Variants in GDPD1 observed in about 807,000 individuals in gnomAD.
GDPD1 encodes lysophospholipase D GDPD1.
Under a neutral mutation model 45.1 loss-of-function variants are expected in GDPD1, and 28 were observed. The ratio of observed to expected loss-of-function variants is 0.62; its 90% CI spans 0.46 to 0.85. GDPD1 has a LOEUF of 0.85. GDPD1 is among the 40% of genes least tolerant of loss of function. The pLI is 0.00. For missense variants in GDPD1, 256 were observed against 364.8 expected (o/e 0.70, Z 2.43); for synonymous variants, 139 against 131.4 (o/e 1.06, Z -0.40).
intron 6 of GDPD1, among the ~76,000 whole-genome samples, chr17:59,263,603 C>T (rs183945132): frequency 1.3e-5 from 2 of 150,288 alleles, no homozygotes; most frequent in South Asian, 2.1e-4. Flanking sequence ...CTCAGCCTCC[C>T]GAGTAGCTGG....
chr17:59,225,513 A>C (rs2047040779), intron 1 of GDPD1, among the ~76,000 whole-genome samples: 1 of 151,870 alleles, frequency 6.6e-6, no homozygotes, highest in Non-Finnish European at 1.5e-5. Flanking sequence ...TTCCACTGTG[A>C]GGTTACTTTT....
At chr17:59,229,319 A>C (rs2047071418) in intron 1 of GDPD1, among the ~76,000 whole-genome samples, 3 of 115,306 alleles carry the variant, frequency 2.6e-5, no homozygotes, top group South Asian at 2.9e-4. Context: ...TGCCTGGCTA[A>C]ATTTTTTTTT....
intron 2 of GDPD1, among the ~76,000 whole-genome samples, chr17:59,238,667 C>G (rs2047153515): frequency 6.6e-6 from 1 of 152,164 alleles, no homozygotes; most frequent in African/African-American, 2.4e-5. Flanking sequence ...CCTGCCTTAG[C>G]CTCCCAAAGT....
At chr17:59,252,243 T>A (rs548904626) in intron 4 of GDPD1, among the ~76,000 whole-genome samples, 2 of 151,680 alleles carry the variant, frequency 1.3e-5, no homozygotes, top group Non-Finnish European at 2.9e-5. Flanking sequence ...ATACAAAAAT[T>A]TTTAAATTTT....
intron 8 of GDPD1, among the ~76,000 whole-genome samples, chr17:59,272,027 C>A (rs2047448272): frequency 6.6e-6 from 1 of 151,974 alleles, no homozygotes. Flanking sequence ...GATTTAAGCT[C>A]TAGTTTTCAA....
Position 59,267,140 on chromosome 17 carries a change from T to G in GDPD1, c.676T>G (p.Phe226Val). ...LLPFVPIREQ[F>V]FEIPMPSIIL... ...GCCCTTTGTGCCCATTCGAGAACAG[T>G]TTTTTGAAATCCCAATGCCTTCTAT... is the stretch of plus-strand genomic sequence containing the variant. The change falls in exon 7 of 10, where the codon TTT becomes GTT. Residue 226 changes from phenylalanine (F) to valine (V), a missense_variant. Coordinates refer to ENST00000284116, the MANE Select transcript of GDPD1 (RefSeq NM_182569.4). 6 of 1,613,894 alleles carry G rather than the reference T, an allele frequency of 3.7e-6. No homozygotes were observed. Among genetic ancestry groups the G allele is most frequent in the Non-Finnish European group, 5.1e-6 (6 of 1,179,872 alleles).
chr17:59,257,424 G>C (rs763210126), intron 5 of GDPD1, among the ~76,000 whole-genome samples, 184 bp downstream of exon 5: 2 of 152,174 alleles, frequency 1.3e-5, no homozygotes, highest in Non-Finnish European at 2.9e-5. Context: ...CCTATTTTCA[G>C]AGAGAGTTGG....
intron 6 of GDPD1, among the ~76,000 whole-genome samples, chr17:59,259,296 G>C (rs573636483): frequency 6.7e-6 from 1 of 149,342 alleles, no homozygotes; most frequent in Admixed American, 6.7e-5. Flanking sequence ...GGCCGGGCGC[G>C]GTGGCTCACG....
At chr17:59,222,204 G>T (rs977942713) in intron 1 of GDPD1, among the ~76,000 whole-genome samples, 3 of 151,730 alleles carry the variant, frequency 2.0e-5, no homozygotes, top group Admixed American at 6.6e-5. Flanking sequence ...TTGTTTGTTT[G>T]TTTTTTTGTT....
In GDPD1 at chr17:59,244,913, T is replaced by C. The variant is rs533467975; in HGVS notation, c.186-501T>C. Among the ~76,000 whole-genome samples the C allele has an allele frequency of 9.1e-4, 139 of 152,030 alleles. 1 individual carries two copies. Among genetic ancestry groups the C allele is most frequent in the African/African-American group, 3.3e-3 (138 of 41,456 alleles). On this transcript the variant is annotated intron_variant, in intron 2 of 9. Coordinates refer to ENST00000284116, the MANE Select transcript of GDPD1 (RefSeq NM_182569.4). ...CAGTAGGCTGAGGCAGGAGGATCAC[T>C]TGAGCCCAGGAGTTTGAGGATGCAA...
intron 6 of GDPD1, among the ~76,000 whole-genome samples, chr17:59,259,196 G>A (rs574052687): frequency 1.7e-4 from 25 of 151,228 alleles, no homozygotes; most frequent in South Asian, 8.4e-4. Context: ...TTGGGAGGCC[G>A]AGGCAGGCGG....
intron 3 of GDPD1, among the ~76,000 whole-genome samples, chr17:59,247,466 G>A (rs928489835): frequency 2.0e-5 from 3 of 152,008 alleles, no homozygotes; most frequent in Admixed American, 1.3e-4. Flanking sequence ...CATATAGTTG[G>A]AATCATACTG....
chr17:59,235,416 A>G (rs2047124128), intron 2 of GDPD1, among the ~76,000 whole-genome samples: 1 of 152,098 alleles, frequency 6.6e-6, no homozygotes, highest in Non-Finnish European at 1.5e-5. Flanking sequence ...TTCATATTCT[A>G]GTTTCACCTA....
At chr17:59,253,646 G>A (rs2047273158) in intron 4 of GDPD1, among the ~76,000 whole-genome samples, 1 of 151,964 alleles carries the variant, frequency 6.6e-6, no homozygotes, top group Admixed American at 6.6e-5. Flanking sequence ...TGACCTTTTT[G>A]TAAACTGATT....
At chr17:59,265,137 A>G (rs2047389349) in intron 6 of GDPD1, among the ~76,000 whole-genome samples, 1 of 152,084 alleles carries the variant, frequency 6.6e-6, no homozygotes, top group Non-Finnish European at 1.5e-5. Flanking sequence ...AACCGCGCCC[A>G]GCCTAGAACT....
In GDPD1 at chr17:59,245,483, G is replaced by A; in HGVS notation, c.255G>A (p.Val85=). The stretch of plus-strand genomic sequence containing the variant: ...TCACAAAAGATGAACAAGTTGTAGT[G>A]TCACATGATGAGAATCTAAAGAGAG... ...CHITKDEQVV[V]SHDENLKRAT... is the part of the protein sequence containing the mutation. The change falls in exon 3 of 10, where the codon GTG becomes GTA. Residue 85 remains valine (V), a synonymous_variant. Transcript: ENST00000284116. The A allele has an allele frequency of 6.2e-7, 1 of 1,609,204 alleles. No homozygotes were observed.
At chr17:59,223,218 A>G (rs1282645741) in intron 1 of GDPD1, among the ~76,000 whole-genome samples, 2 of 152,196 alleles carry the variant, frequency 1.3e-5, no homozygotes, top group Non-Finnish European at 2.9e-5. Flanking sequence ...ATTTCCATTC[A>G]TTATTTGTAA....
At chr17:59,236,376 C>T (rs1043665874) in intron 2 of GDPD1, among the ~76,000 whole-genome samples, 9 of 152,216 alleles carry the variant, frequency 5.9e-5, no homozygotes, top group African/African-American at 1.9e-4. Context: ...CTGAAAAGTA[C>T]CACAGCCTTC....
At chr17:59,221,419 CTTTTTTT>C (rs36143328) in intron 1 of GDPD1, among the ~76,000 whole-genome samples, 2 of 126,874 alleles carry the variant, frequency 1.6e-5, no homozygotes, top group Middle Eastern at 4.1e-3. Flanking sequence ...AACCTTGCAT[CTTTTTTT>C]TTTTTTTTTT....
Sources: gnomAD v4.1 joint callset for allele counts (sites outside exome capture counted in the v4.1 genomes callset) on GRCh38, gnomAD v4.1.1 for gene constraint, MANE v1.5 for transcripts, NCBI Gene and HGNC (gene_info 2026-07-23, HGNC 2026-07-21) for gene names.